Variants in FKBP6 observed in about 807,000 individuals in gnomAD.
FKBP6 encodes inactive peptidyl-prolyl cis-trans isomerase FKBP6.
Under a neutral mutation model 41.7 loss-of-function variants are expected in FKBP6, and 29 were observed. That is an observed-to-expected ratio of 0.70 (90% CI 0.52 to 0.95). The LOEUF (loss-of-function observed/expected upper bound fraction) is 0.95, where lower values mean the gene tolerates loss of function less well. FKBP6 is among the 40% of genes least tolerant of loss of function. FKBP6 has a pLI of 0.00. For synonymous variants in FKBP6, 130 were observed against 165.1 expected (o/e 0.79, Z 1.63); for missense variants, 338 against 408.7 (o/e 0.83, Z 1.49).
At chr7:73,343,093 T>C (rs1161898717) in intron 8 of FKBP6, among the ~76,000 whole-genome samples, 194 bp downstream of exon 8, 1 of 152,204 alleles carries the variant, frequency 6.6e-6, no homozygotes, top group Non-Finnish European at 1.5e-5. Flanking sequence ...GAGAAGAAAG[T>C]TCGCCCAGAC....
At chr7:73,352,626 G>A (rs1805522703) in intron 8 of FKBP6, among the ~76,000 whole-genome samples, 1 of 152,162 alleles carries the variant, frequency 6.6e-6, no homozygotes, top group Admixed American at 6.5e-5. Context: ...ACGCTCCCAA[G>A]CAGCCACCGA....
At chr7:73,328,829 A>T in intron 2 of FKBP6, 137 bp downstream of exon 2, 1 of 1,502,226 alleles carries the variant, frequency 6.7e-7, no homozygotes, top group Non-Finnish European at 9.2e-7. Flanking sequence ...TTGTTTTTGA[A>T]ACGGGGTCTT....
At chr7:73,355,644 TAA>T (rs60526808) in intron 8 of FKBP6, among the ~76,000 whole-genome samples, 5 of 143,468 alleles carry the variant, frequency 3.5e-5, no homozygotes, top group Admixed American at 7.0e-5. Flanking sequence ...TCTCCAAAGG[TAA>T]AAAAAAAAAA....
chr7:73,352,597 A>C (rs1323537255), intron 8 of FKBP6, among the ~76,000 whole-genome samples: 3 of 152,154 alleles, frequency 2.0e-5, no homozygotes, highest in African/African-American at 7.2e-5. Context: ...ATTGACTGTC[A>C]TACTTTTGAT....
intron 7 of FKBP6, 64 bp downstream of exon 7, chr7:73,341,446 C>T (rs577838585): frequency 1.8e-5 from 18 of 1,002,254 alleles, no homozygotes; most frequent in African/African-American, 7.9e-5. Context: ...TCTGTCCCCC[C>T]ACCCCCCCCA....
At chr7:73,333,488 G>A (rs1804911455) in intron 5 of FKBP6, among the ~76,000 whole-genome samples, 1 of 152,114 alleles carries the variant, frequency 6.6e-6, no homozygotes, top group Non-Finnish European at 1.5e-5. Context: ...TCTAGCCAAG[G>A]AGACATAAAG....
intron 5 of FKBP6, chr7:73,336,689 C>T: frequency 4.4e-6 from 2 of 454,896 alleles, no homozygotes; most frequent in South Asian, 3.1e-5. Context: ...AAACATGTAC[C>T]AGCACACCAC....
chr7:73,342,772 G>A, intron 7 of FKBP6, 35 bp from the exon 8 acceptor site: 2 of 1,438,428 alleles, frequency 1.4e-6, no homozygotes, highest in Non-Finnish European at 2.0e-6. Context: ...TCCAAACACA[G>A]ACCTCCTCTA....
intron 4 of FKBP6, 29 bp downstream of exon 4, chr7:73,330,381 T>C: frequency 2.6e-6 from 4 of 1,531,630 alleles, no homozygotes; most frequent in Non-Finnish European, 3.6e-6. Context: ...ATGTCAGCAC[T>C]TTATAGAGAG....
At chr7:73,345,573 G>A (rs1554550172) in intron 8 of FKBP6, among the ~76,000 whole-genome samples, 1 of 152,168 alleles carries the variant, frequency 6.6e-6, no homozygotes, top group Non-Finnish European at 1.5e-5. Context: ...ATCCTGACAT[G>A]CTGGTATCTG....
intron 8 of FKBP6, among the ~76,000 whole-genome samples, chr7:73,351,456 G>T (rs1805489275): frequency 6.6e-6 from 1 of 152,134 alleles, no homozygotes; most frequent in Non-Finnish European, 1.5e-5. Flanking sequence ...ATTGTCAGAT[G>T]AAGGCCATGC....
chr7:73,334,805 C>A (rs1451186018), intron 5 of FKBP6, among the ~76,000 whole-genome samples: 1 of 151,822 alleles, frequency 6.6e-6, no homozygotes, highest in Non-Finnish European at 1.5e-5. Flanking sequence ...TTGTCAATGA[C>A]CTAAAGATGG....
chr7:73,341,353 C>T lies in FKBP6; in HGVS notation c.864C>T (p.Asp288=), dbSNP rs1805180570. The T allele has an allele frequency of 1.9e-6, 3 of 1,611,762 alleles. No individual in the cohort carries two copies. The East Asian group carries it at 6.7e-5, about 36-fold the overall frequency. The change falls in exon 7 of 9, where the codon GAC becomes GAT. Residue 288 remains aspartate (D), a synonymous_variant. Transcript: ENST00000252037. ...RAQKEQPFNH[D]INNELKKLAS... is the part of the protein sequence containing the mutation. ...AGAAGGAGCAACCCTTCAATCATGACATCAATAATGAGCTGAAGAAACTGG... is the reference window on the plus strand; with the variant it reads ...AGAAGGAGCAACCCTTCAATCATGATATCAATAATGAGCTGAAGAAACTGG...
intron 5 of FKBP6, among the ~76,000 whole-genome samples, chr7:73,334,348 C>CTCCTATTATCAGACCTT (rs1804938824): frequency 6.6e-6 from 1 of 152,074 alleles, no homozygotes; most frequent in Admixed American, 6.6e-5. Flanking sequence ...TTGTCTGGAA[C>CTCCTATTATCAGACCTT]TCCTATTATC....
In FKBP6 at chr7:73,328,773, A is replaced by G. The variant is rs1316647483; in HGVS notation, c.175+81A>G. 5.7e-5 allele frequency: 92 copies of G among 1,608,668 alleles called. 7 individuals are homozygous for G. In the Middle Eastern group the frequency reaches 1.4e-3, roughly 24 times the overall value. The stretch of plus-strand genomic sequence containing the variant: ...GAGAGAGGCCTCATTTTCAAAAAGC[A>G]CTTAATGGGGTTGGAAATGCTTTGT... On this transcript the variant is annotated intron_variant, in intron 2 of 8. Coordinates refer to ENST00000252037, the MANE Select transcript of FKBP6 (RefSeq NM_003602.5).
In FKBP6 at chr7:73,340,848, G is replaced by A; in HGVS notation, c.783+16G>A. The stretch of plus-strand genomic sequence containing the variant: ...GTGTGGACAGGTGAGTTGGAAGCCA[G>A]TGACTTGGGAATAAACACCCAGGAA... On this transcript the variant is annotated intron_variant, in intron 6 of 8. Transcript: ENST00000252037. The A allele has an allele frequency of 6.3e-6, 10 of 1,597,906 alleles. No homozygotes were observed. In the Admixed American group the frequency reaches 1.5e-4, roughly 24 times the overall value.
chr7:73,343,451 C>G (rs1805252410), intron 8 of FKBP6, among the ~76,000 whole-genome samples: 1 of 152,044 alleles, frequency 6.6e-6, no homozygotes, highest in African/African-American at 2.4e-5. Flanking sequence ...ACGTGTCAAG[C>G]TTCTGTTCAT....
intron 8 of FKBP6, among the ~76,000 whole-genome samples, chr7:73,353,116 C>T (rs1176994709): frequency 1.3e-5 from 2 of 152,156 alleles, no homozygotes; most frequent in Admixed American, 1.3e-4. Context: ...CTCTCACCCT[C>T]TCTGTGAATC....
At chr7:73,340,427 G>T (rs2115891443) in intron 5 of FKBP6, among the ~76,000 whole-genome samples, 1 of 152,318 alleles carries the variant, frequency 6.6e-6, no homozygotes, top group East Asian at 1.9e-4. Context: ...GGAGGTTGCA[G>T]TGAGCTGAGA....
Sources: gnomAD v4.1 joint callset for allele counts (sites outside exome capture counted in the v4.1 genomes callset) on GRCh38, gnomAD v4.1.1 for gene constraint, MANE v1.5 for transcripts, NCBI Gene and HGNC (gene_info 2026-07-23, HGNC 2026-07-21) for gene names.